Variants in FYB2 observed in about 807,000 individuals in gnomAD.
FYB2 encodes the protein FYN-binding protein 2.
FYB2 carries 103 observed loss-of-function variants against 94.1 expected under a neutral mutation model. The ratio of observed to expected loss-of-function variants is 1.09; its 90% CI spans 0.93 to 1.29. The LOEUF (loss-of-function observed/expected upper bound fraction) is 1.29, where lower values mean the gene tolerates loss of function less well. Among genes scored for constraint, FYB2 ranks in the 50% most tolerant of loss-of-function variants. The probability of loss-of-function intolerance (pLI) is 0.00; values close to 1 mark genes in which losing one functional copy is unlikely to be tolerated. For synonymous variants in FYB2, 293 were observed against 287.9 expected, an observed-to-expected ratio of 1.02 and a Z score of -0.18; for missense variants, 896 against 841.5, an observed-to-expected ratio of 1.06 and a Z score of -0.80.
intron 1 of FYB2, among the ~76,000 whole-genome samples, chr1:56,811,755 CCAAACAAACAAACAAA>C (rs10574325): frequency 6.9e-6 from 1 of 144,698 alleles, no homozygotes; most frequent in East Asian, 2.5e-4. Flanking sequence ...TTGTAATGGA[CCAAACAAACAAACAAA>C]CAAACAAACA....
intron 17 of FYB2, chr1:56,720,530 A>G (rs1188902753): frequency 1.5e-5 from 6 of 401,698 alleles, no homozygotes; most frequent in Admixed American, 8.7e-5. Flanking sequence ...AAATGGTGCA[A>G]TCTCACATTT....
intron 8 of FYB2, among the ~76,000 whole-genome samples, chr1:56,752,298 G>A (rs1370595683): frequency 3.9e-5 from 6 of 152,050 alleles, no homozygotes; most frequent in Non-Finnish European, 7.4e-5. Context: ...GTTCTGGATA[G>A]ACTGACAGGA....
chr1:56,789,455 G>A (rs973849486), intron 2 of FYB2, among the ~76,000 whole-genome samples: 1 of 152,014 alleles, frequency 6.6e-6, no homozygotes, highest in African/African-American at 2.4e-5. Context: ...CACATCACTG[G>A]CTTCTCCATT....
intron 8 of FYB2, among the ~76,000 whole-genome samples, chr1:56,751,972 G>A (rs1645209818): frequency 6.6e-6 from 1 of 151,988 alleles, no homozygotes. Context: ...TTATTAAATT[G>A]TATTTTCCAA....
intron 15 of FYB2, among the ~76,000 whole-genome samples, chr1:56,734,469 A>G (rs1644785003): frequency 6.6e-6 from 1 of 152,116 alleles, no homozygotes; most frequent in Non-Finnish European, 1.5e-5. Flanking sequence ...TACACAATGG[A>G]ATACTATGCA....
intron 5 of FYB2, among the ~76,000 whole-genome samples, chr1:56,764,355 G>A (rs1237224337): frequency 6.6e-6 from 1 of 151,946 alleles, no homozygotes; most frequent in Non-Finnish European, 1.5e-5. Flanking sequence ...GAAGTCTAAT[G>A]ACATGAATGT....
At chr1:56,752,921 C>T (rs1303596844) in intron 8 of FYB2, among the ~76,000 whole-genome samples, 1 of 152,100 alleles carries the variant, frequency 6.6e-6, no homozygotes, top group East Asian at 1.9e-4. Flanking sequence ...ACTTGACAGC[C>T]ATTGATGGCT....
intron 14 of FYB2, 155 bp from the exon 15 acceptor site, chr1:56,737,302 T>C: frequency 2.1e-6 from 1 of 474,918 alleles, no homozygotes; most frequent in East Asian, 3.6e-5. Flanking sequence ...GCTAGAAGAA[T>C]CAAAGAATAA....
At chr1:56,768,505 T>C (rs1645679401) in intron 4 of FYB2, among the ~76,000 whole-genome samples, 1 of 152,152 alleles carries the variant, frequency 6.6e-6, no homozygotes, top group South Asian at 2.1e-4. Flanking sequence ...GAGTCACCAA[T>C]GAGAAATCAG....
At chr1:56,771,370 A>G (rs1645750534) in intron 4 of FYB2, among the ~76,000 whole-genome samples, 1 of 152,204 alleles carries the variant, frequency 6.6e-6, no homozygotes, top group Admixed American at 6.5e-5. Flanking sequence ...GAAGGATAAC[A>G]TAAGGTGTCA....
chr1:56,752,566 T>C (rs1253701217), intron 8 of FYB2, among the ~76,000 whole-genome samples: 2 of 152,014 alleles, frequency 1.3e-5, no homozygotes, highest in African/African-American at 4.8e-5. Context: ...TAGGTCATAG[T>C]ACCAAGAATT....
intron 1 of FYB2, among the ~76,000 whole-genome samples, chr1:56,799,557 T>G (rs1646473792): frequency 1.3e-5 from 2 of 152,220 alleles, no homozygotes; most frequent in Admixed American, 1.3e-4. Context: ...ATGGCCATTG[T>G]GACCATGTAT....
At chr1:56,810,694 G>T (rs1646748262) in intron 1 of FYB2, among the ~76,000 whole-genome samples, 2 of 152,180 alleles carry the variant, frequency 1.3e-5, no homozygotes, top group Admixed American at 1.3e-4. Flanking sequence ...CCAGTTTCAT[G>T]TAAAGAGCCA....
chr1:56,792,493 C>T lies in FYB2; in HGVS notation c.320G>A (p.Ser107Asn), dbSNP rs923893990. Residue 107 changes from serine to asparagine, a missense_variant, in exon 2 of 20, where the codon AGT (serine) becomes AAT (asparagine). Physicochemically the swap from Ser to Asn is conservative, Grantham distance 46 (BLOSUM62 1). Transcript: ENST00000343433. ...LGKSTVCSAT[S>N]SQKASLLLEV... ...TAACAGCAGAGAAGCCTTCTGTGAA[C>T]TTGTTGCAGAACATACAGTAGACTT... 6 of 1,614,120 alleles carry T rather than the reference C, an allele frequency of 3.7e-6. No individual in the cohort carries two copies. In the Admixed American group the frequency reaches 8.3e-5, roughly 22 times the overall value.
chr1:56,824,595 C>T (rs1234642037), upstream of FYB2: 1 of 152,266 alleles, frequency 6.6e-6, no homozygotes, highest in African/African-American at 2.4e-5. Flanking sequence ...CTTGCACACT[C>T]CCTTGCATGG....
Position 56,792,764 on chromosome 1 carries a change from G to GA in FYB2, c.48dup (p.Gln17SerfsTer4). 1 of 1,613,538 alleles carries GA rather than the reference G, an allele frequency of 6.2e-7. No individual in the cohort carries two copies. The highest frequency in any genetic ancestry group is 8.5e-7 in the Non-Finnish European group (1 of 1,179,706). Reference sequence around the variant, plus strand: ...GGAAGAGGTGGAGCATCAAGATTTTGAAATTTGGCTCGAAGTTCCTTGAAG... The same window carrying GA: ...GGAAGAGGTGGAGCATCAAGATTTTGAAAATTTGGCTCGAAGTTCCTTGAAG... On this transcript the variant is annotated frameshift_variant, in exon 2 of 20. Transcript: ENST00000343433. LOFTEE classifies it high-confidence loss of function.
intron 1 of FYB2, among the ~76,000 whole-genome samples, chr1:56,809,678 T>C (rs1334638470): frequency 6.6e-6 from 1 of 152,200 alleles, no homozygotes; most frequent in Non-Finnish European, 1.5e-5. Flanking sequence ...CTGTCCCTGC[T>C]CCATTGCAGT....
chr1:56,737,505 G>A (rs531860130), intron 14 of FYB2: 112 of 167,634 alleles, frequency 6.7e-4, no homozygotes, highest in African/African-American at 2.6e-3. Context: ...TATACTGCTA[G>A]AATAGTGAGA....
Position 56,749,217 on chromosome 1 carries a change from A to C in FYB2, c.1387+1827T>G, listed in dbSNP as rs552511126. On this transcript the variant is annotated intron_variant, in intron 9 of 19. Transcript: ENST00000343433. ...TTAGGGTTCCTGGCTTTGCAAATTT[A>C]TCTCTCTCAACAATTTTGGAAAATT... is the stretch of plus-strand genomic sequence containing the variant. Among the ~76,000 whole-genome samples, 27 of 151,962 alleles carry C rather than the reference A, an allele frequency of 1.8e-4. No homozygotes were observed. In the East Asian group the frequency reaches 2.7e-3, roughly 15 times the overall value.
Sources: gnomAD v4.1 joint callset for allele counts (sites outside exome capture counted in the v4.1 genomes callset) on GRCh38, gnomAD v4.1.1 for gene constraint, MANE v1.5 for transcripts, NCBI Gene and HGNC (gene_info 2026-07-23, HGNC 2026-07-21) for gene names.